The following CCDC144A variants were observed in gnomAD, a reference collection of about 807,000 sequenced individuals.
CCDC144A encodes coiled-coil domain containing 144A.
In CCDC144A, 41 loss-of-function variants were observed where a neutral mutation model predicts 143.8. The ratio of observed to expected loss-of-function variants is 0.29; its 90% CI spans 0.22 to 0.37. CCDC144A has a LOEUF of 0.37. Among genes scored for constraint, CCDC144A ranks in the 10% least tolerant of loss-of-function variants. The pLI is 1.00. For synonymous variants in CCDC144A, 242 were observed against 517.9 expected (o/e 0.47, Z 7.23); for missense variants, 637 against 1,488.8 (o/e 0.43, Z 9.41).
the CCDC144A span, among the ~76,000 whole-genome samples, chr17:16,668,256 C>T: frequency 6.6e-6 from 1 of 151,966 alleles, no homozygotes; most frequent in Non-Finnish European, 1.5e-5. Flanking sequence ...TTGATTATTG[C>T]TGCGTTACAA....
intron 12 of CCDC144A, chr17:16,746,417 A>C: frequency 6.4e-7 from 1 of 1,566,266 alleles, no homozygotes; most frequent in Admixed American, 1.7e-5. Flanking sequence ...ATATTCCAAA[A>C]GAGGTGTGGT....
At chr17:16,703,260 A>G (rs1911833440) in intron 2 of CCDC144A, among the ~76,000 whole-genome samples, 1 of 151,760 alleles carries the variant, frequency 6.6e-6, no homozygotes, top group Non-Finnish European at 1.5e-5. Flanking sequence ...AAAATTGTAT[A>G]TAAATTGTTT....
chr17:16,751,657 C>T (rs912965919), intron 12 of CCDC144A, among the ~76,000 whole-genome samples: 1 of 152,384 alleles, frequency 6.6e-6, no homozygotes. Context: ...AGACCTACAA[C>T]TCTCTGGGGA....
chr17:16,776,583 A>C lies in CCDC144A; in HGVS notation c.*2950A>C, dbSNP rs1054783345. On this transcript the variant is annotated 3_prime_UTR_variant, in exon 17 of 17. Transcript: ENST00000399273. ...TGAGACTTTGTTGAAGTTGCTTATC[A>C]GCTAAGAAGTTTTTGAGCTGAGATG... The C allele has an allele frequency of 1.3e-5, 2 of 152,248 alleles. No homozygotes were observed. Among genetic ancestry groups the C allele is most frequent in the African/African-American group, 4.8e-5 (2 of 41,450 alleles). 9.4% of individuals were successfully genotyped at this position (152,248 alleles called of 1,614,324 possible).
the CCDC144A span, among the ~76,000 whole-genome samples, chr17:16,674,885 C>A: frequency 6.6e-6 from 1 of 152,198 alleles, no homozygotes; most frequent in Middle Eastern, 3.4e-3. Flanking sequence ...GGAAATTGTA[C>A]TGCCAATGTA....
chr17:16,753,431 T>TTTTGTTGTTGTTGTTGTTG (rs1597585034), intron 12 of CCDC144A, among the ~76,000 whole-genome samples: 39 of 115,094 alleles, frequency 3.4e-4, no homozygotes, highest in South Asian at 1.5e-3. Context: ...TTTTGTAGTT[T>TTTTGTTGTTGTTGTTGTTG]TTTTTTTTTT....
chr17:16,678,604 A>T, the CCDC144A span, among the ~76,000 whole-genome samples: 1 of 87,826 alleles, frequency 1.1e-5, no homozygotes, highest in Admixed American at 1.1e-4. Context: ...TTTTTTTGAC[A>T]GAGTTTTGCT....
chr17:16,683,933 A>G, the CCDC144A span: 3 of 1,269,640 alleles, frequency 2.4e-6, no homozygotes, highest in Non-Finnish European at 2.3e-6. Flanking sequence ...ACGAGCAGGA[A>G]TCCGCGTTTA....
At chr17:16,685,613 C>A (rs8066942), upstream of CCDC144A, among the ~76,000 whole-genome samples, 3 of 152,160 alleles carry the variant, frequency 2.0e-5, no homozygotes, top group South Asian at 6.2e-4. Context: ...GAACTCCTGA[C>A]CTCAGGTGAT....
chr17:16,728,764 G>A (rs1268247658), intron 9 of CCDC144A, among the ~76,000 whole-genome samples: 4 of 152,004 alleles, frequency 2.6e-5, no homozygotes, highest in African/African-American at 4.8e-5. Context: ...CTGATTCTCC[G>A]ATGTCCATTA....
At chr17:16,760,048 A>G (rs1162023802) in intron 12 of CCDC144A, among the ~76,000 whole-genome samples, 1 of 152,194 alleles carries the variant, frequency 6.6e-6, no homozygotes, top group Admixed American at 6.5e-5. Context: ...TCGAACACCT[A>G]CCTACATGAG....
chr17:16,745,638 G>A (rs1394427272), intron 12 of CCDC144A: 1 of 1,579,716 alleles, frequency 6.3e-7, no homozygotes, highest in Admixed American at 1.8e-5. Context: ...GACTCACTCT[G>A]CCTCTTCCCT....
chr17:16,732,660 T>C lies in CCDC144A; in HGVS notation c.2412T>C (p.Asn804=), dbSNP rs1283854121. 6.2e-7 allele frequency: 1 copy of C among 1,604,098 alleles called. No homozygotes were observed. The highest frequency in any genetic ancestry group is 1.3e-5 in the African/African-American group (1 of 74,512). ...KELEMARKKM[N]SEISHRHQKE... is the part of the protein sequence containing the mutation. Reference sequence around the variant, plus strand: ...TAGAAATGGCTCGAAAGAAAATGAATTCTGAGGTATTTTCTTTAGTCATTT... The same window carrying C: ...TAGAAATGGCTCGAAAGAAAATGAACTCTGAGGTATTTTCTTTAGTCATTT... Residue 804 remains asparagine, a synonymous_variant, in exon 11 of 17, where the codon AAT becomes AAC. Coordinates refer to ENST00000399273, the MANE Select transcript of CCDC144A (RefSeq NM_001382000.1).
In CCDC144A at chr17:16,737,727, T is replaced by C. The variant is rs867925849; in HGVS notation, c.3372+2084T>C. On this transcript the variant is annotated intron_variant, in intron 12 of 16. Coordinates refer to ENST00000399273, the MANE Select transcript of CCDC144A (RefSeq NM_001382000.1). ...AGTTAATCTATAGGTGGTGAAATAA[T>C]GTCAGATGTTTTAGGATACTGATTG... is the stretch of plus-strand genomic sequence containing the variant. The C allele has an allele frequency of 9.6e-4, 681 of 705,870 alleles. 5 individuals carry two copies. In the African/African-American group the frequency reaches 0.011, roughly 11 times the overall value. 43.7% of individuals were successfully genotyped at this position (705,870 alleles called of 1,614,324 possible). A position where few individuals can be genotyped will look rare whatever the true frequency, so the allele number is the denominator to read the frequency against.
chr17:16,735,017 T>C lies in CCDC144A; in HGVS notation c.2746T>C (p.Tyr916His). 1 of 1,611,972 alleles carries C rather than the reference T, an allele frequency of 6.2e-7. No homozygotes were observed. Among genetic ancestry groups the C allele is most frequent in the Non-Finnish European group, 8.5e-7 (1 of 1,179,602 alleles). ...AAGACTAGAAATAGAAATGGAATCA[T>C]ACCGTTGTAGACTAGCTGCTGCTGT... ...QERLEIEMES[Y>H]RCRLAAAVRD... Residue 916 changes from tyrosine to histidine, a missense_variant, in exon 12 of 17, where the codon TAC becomes CAC. By Grantham distance (83) the Tyr-to-His change is moderately conservative (BLOSUM62 2). Coordinates refer to ENST00000399273, the MANE Select transcript of CCDC144A (RefSeq NM_001382000.1).
chr17:16,707,497 G>A lies in CCDC144A; in HGVS notation c.693G>A (p.Glu231=). 4.4e-6 allele frequency: 7 copies of A among 1,607,040 alleles called. No homozygotes were observed. Among genetic ancestry groups the A allele is most frequent in the Middle Eastern group, 2.3e-4 (1 of 4,424 alleles). Reference sequence around the variant, plus strand: ...AACAAGACTCGGAGCTGACATCAGAGGAAGAGCAAGAAAGACTTAAAGGAT... The same window carrying A: ...AACAAGACTCGGAGCTGACATCAGAAGAAGAGCAAGAAAGACTTAAAGGAT... ...EAEQDSELTS[E]EEQERLKGCE... is the part of the protein sequence containing the mutation. The change falls in exon 4 of 17, where the codon GAG becomes GAA. Residue 231 remains glutamate (E), a synonymous_variant. Transcript: ENST00000399273.
rs760389448 is a variant in CCDC144A at position 16,732,555 on chromosome 17, C to A, written c.2307C>A (p.Asn769Lys). 1 of 1,608,524 alleles carries A rather than the reference C, an allele frequency of 6.2e-7. No homozygotes were observed. The highest frequency in any genetic ancestry group is 8.5e-7 in the Non-Finnish European group (1 of 1,178,182). Residue 769 changes from asparagine to lysine, a missense_variant, in exon 11 of 17, where the codon AAC becomes AAA. By Grantham distance (94) the Asn-to-Lys change is moderately conservative. Coordinates refer to ENST00000399273, the MANE Select transcript of CCDC144A (RefSeq NM_001382000.1). ...NNLDLVVQERNDAQKQLSEEQ... is the reference protein window; with the variant it reads ...NNLDLVVQERKDAQKQLSEEQ... ...ATCTCTAGGTTGTGCAGGAGAGAAA[C>A]GATGCCCAGAAGCAACTTTCTGAAG...
chr17:16,756,886 A>T (rs1834081659), intron 12 of CCDC144A, among the ~76,000 whole-genome samples: 1 of 152,182 alleles, frequency 6.6e-6, no homozygotes, highest in Non-Finnish European at 1.5e-5. Context: ...CTTCTGCTGT[A>T]ATCAACATCA....
intron 12 of CCDC144A, among the ~76,000 whole-genome samples, chr17:16,761,142 A>G (rs570168106): frequency 6.6e-6 from 1 of 151,820 alleles, no homozygotes; most frequent in South Asian, 2.1e-4. Flanking sequence ...CCTGGCTAAC[A>G]CGGTGAAACC....
Sources: gnomAD v4.1 joint callset for allele counts (sites outside exome capture counted in the v4.1 genomes callset) on GRCh38, gnomAD v4.1.1 for gene constraint, MANE v1.5 for transcripts, NCBI Gene and HGNC (gene_info 2026-07-23, HGNC 2026-07-21) for gene names.